ODAD1: variants seen among roughly 807,000 people sequenced by gnomAD.
ODAD1 encodes outer dynein arm docking complex subunit 1, also known as outer dynein arm-docking complex subunit 1.
Under a neutral mutation model 67.2 loss-of-function variants are expected in ODAD1, and 49 were observed. The ratio of observed to expected loss-of-function variants is 0.73; its 90% CI spans 0.58 to 0.92. The LOEUF is 0.92. Among genes scored for constraint, ODAD1 ranks in the 40% least tolerant of loss-of-function variants. The pLI is 0.00. For missense variants in ODAD1, 897 were observed against 953.7 expected (o/e 0.94, Z 0.78); for synonymous variants, 345 against 393.7 (o/e 0.88, Z 1.46).
intron 8 of ODAD1, 141 bp downstream of exon 8, chr19:48,306,115 G>T (rs529855085): frequency 2.4e-6 from 3 of 1,267,092 alleles, no homozygotes; most frequent in Non-Finnish European, 3.2e-6. Context: ...GTGGCGGGGA[G>T]AGAGAAAAAG....
intron 3 of ODAD1, chr19:48,319,373 G>A: frequency 1.1e-6 from 1 of 952,148 alleles, no homozygotes; most frequent in South Asian, 4.8e-5. Context: ...AGTACCTGCA[G>A]GACAAAGTCT....
rs575514518 is a variant in ODAD1 at position 48,304,021 on chromosome 19, T to A, written c.785A>T (p.His262Leu). 6.2e-7 allele frequency: 1 copy of A among 1,614,208 alleles called. No individual in the cohort carries two copies. The highest frequency in any genetic ancestry group is 1.1e-5 in the South Asian group (1 of 91,088). ...RQILHLEQLH[H>L]FLKLKNNDRQ... Reference sequence around the variant, plus strand: ...GTCGTTGTTCTTGAGCTTGAGGAAGTGGTGCAGCTGCTCCAGGTGCAAGAT... The same window carrying A: ...GTCGTTGTTCTTGAGCTTGAGGAAGAGGTGCAGCTGCTCCAGGTGCAAGAT... Residue 262 changes from histidine to leucine, a missense_variant, in exon 9 of 16, where the codon CAC becomes CTC. Physicochemically the swap from His to Leu is moderately conservative, Grantham distance 99. Transcript: ENST00000674294.
intron 12 of ODAD1, among the ~76,000 whole-genome samples, chr19:48,299,845 T>C (rs1600857449): frequency 6.9e-6 from 1 of 144,690 alleles, no homozygotes; most frequent in East Asian, 2.0e-4. Context: ...GATGCACAGG[T>C]GGATGCAACA....
chr19:48,316,107 G>A (rs1172930328), intron 5 of ODAD1, among the ~76,000 whole-genome samples: 5 of 152,194 alleles, frequency 3.3e-5, no homozygotes, highest in South Asian at 2.1e-4. Context: ...GGCCAGGCAC[G>A]GTGGCCCACA....
rs11667862 is a variant in ODAD1 at position 48,306,037 on chromosome 19, C to T, written c.665+219G>A. 54,106 of 228,760 alleles carry T rather than the reference C, an allele frequency of 0.24. 7,457 individuals carry two copies. The highest frequency in any genetic ancestry group is 0.43 in the African/African-American group (18,414 of 42,614). The allele number at this position is 228,760 out of a possible 1,614,324, so 14.2% of individuals were successfully genotyped here. ...TAGCGCAACTGCACTGTAGCCTGGGCGACAGAGCCAGACTCTGTCTCAAAA... is the reference window on the plus strand; with the variant it reads ...TAGCGCAACTGCACTGTAGCCTGGGTGACAGAGCCAGACTCTGTCTCAAAA... On this transcript the variant is annotated intron_variant, in intron 8 of 15. Coordinates refer to ENST00000674294, the MANE Select transcript of ODAD1 (RefSeq NM_001364171.2).
intron 7 of ODAD1, among the ~76,000 whole-genome samples, chr19:48,306,524 T>C (rs566331011): frequency 5.7e-4 from 87 of 152,278 alleles, no homozygotes; most frequent in African/African-American, 2.0e-3. Context: ...AAAAGGCTCT[T>C]TCTGTAGATA....
chr19:48,311,634 C>G lies in ODAD1; in HGVS notation c.516G>C (p.Arg172=). 6.4e-7 allele frequency: 1 copy of G among 1,551,188 alleles called. No homozygotes were observed. The highest frequency in any genetic ancestry group is 8.7e-7 in the Non-Finnish European group (1 of 1,146,558). Residue 172 remains arginine (R), a synonymous_variant, in exon 7 of 16, where the codon CGG becomes CGC. Coordinates refer to ENST00000674294, the MANE Select transcript of ODAD1 (RefSeq NM_001364171.2). ...VTCHFDNQLV[R]NAALREELDL... ...CCAGCTCCTCCCGCAGGGCCGCATTCCGTACCAGCTGGTTGTCAAAGTGAC... is the reference window on the plus strand; with the variant it reads ...CCAGCTCCTCCCGCAGGGCCGCATTGCGTACCAGCTGGTTGTCAAAGTGAC...
chr19:48,311,214 AC>A (rs1469506000), intron 7 of ODAD1, among the ~76,000 whole-genome samples: 3 of 152,166 alleles, frequency 2.0e-5, no homozygotes, highest in African/African-American at 7.2e-5. Context: ...TCATCTCAAA[AC>A]AAAGAAAGAA....
intron 3 of ODAD1, 42 bp downstream of exon 3, chr19:48,320,257 T>G: frequency 8.4e-7 from 1 of 1,184,148 alleles, no homozygotes; most frequent in Non-Finnish European, 1.1e-6. Context: ...AGCTGGGGGC[T>G]GGAAAAGAAT....
intron 5 of ODAD1, among the ~76,000 whole-genome samples, chr19:48,313,361 A>C (rs1276338271): frequency 7.3e-6 from 1 of 137,512 alleles, no homozygotes; most frequent in Non-Finnish European, 1.5e-5. Context: ...CCAGGAGGAG[A>C]GGTTGCAGTG....
chr19:48,297,662 G>C lies in ODAD1; in HGVS notation c.1509C>G (p.Asp503Glu). 1 of 1,510,790 alleles carries C rather than the reference G, an allele frequency of 6.6e-7. No individual in the cohort carries two copies. The highest frequency in any genetic ancestry group is 1.3e-5 in the South Asian group (1 of 74,266). The allele number at this position is 1,510,790 out of a possible 1,614,324, so 93.6% of individuals were successfully genotyped here. Residue 503 changes from aspartate to glutamate, a missense_variant, in exon 15 of 16, where the codon GAC becomes GAG. Coordinates refer to ENST00000674294, the MANE Select transcript of ODAD1 (RefSeq NM_001364171.2). Reference sequence around the variant, plus strand: ...CATCGCTGGCCTCAAAACCCGGGGGGTCTTCTCTGGGGAGGGGAAGGAAAA... The same window carrying C: ...CATCGCTGGCCTCAAAACCCGGGGGCTCTTCTCTGGGGAGGGGAAGGAAAA... ...APLQPPDTLE[D>E]PPGFEASDDY...
At position 48,311,548 on chromosome 19, in the gene ODAD1, C is replaced by T. The variant is rs1452905612; in HGVS notation, c.597+5G>A. ...TCTCCTCCCCTGGATTTCAGGGCCA[C>T]TGACCTTCTTCAGCTTGCGGTCCAC... On this transcript the variant is annotated splice_donor_5th_base_variant and intron_variant, in intron 7 of 15. Transcript: ENST00000674294. 1.3e-6 allele frequency: 2 copies of T among 1,530,196 alleles called. No homozygotes were observed. The highest frequency in any genetic ancestry group is 1.8e-6 in the Non-Finnish European group (2 of 1,127,824). The allele number at this position is 1,530,196 out of a possible 1,614,324, so 94.8% of individuals were successfully genotyped here.
intron 12 of ODAD1, among the ~76,000 whole-genome samples, chr19:48,300,795 TAGAG>T (rs1031926323): frequency 3.3e-5 from 5 of 152,132 alleles, no homozygotes; most frequent in Admixed American, 6.6e-5. Context: ...ATTAAATTAA[TAGAG>T]AGAGTACGGC....
At chr19:48,320,444 G>C in intron 2 of ODAD1, 53 bp from the exon 3 acceptor site, 2 of 1,043,538 alleles carry the variant, frequency 1.9e-6, no homozygotes, top group South Asian at 2.8e-5. Context: ...CCAGGGCCCA[G>C]AGAGGGTGGA....
At chr19:48,307,914 C>T (rs1374777646) in intron 7 of ODAD1, among the ~76,000 whole-genome samples, 1 of 151,954 alleles carries the variant, frequency 6.6e-6, no homozygotes, top group Non-Finnish European at 1.5e-5. Context: ...AATGGCCAAC[C>T]CCAGGGATGG....
chr19:48,317,105 G>T (rs1375621381), intron 5 of ODAD1, among the ~76,000 whole-genome samples: 1 of 152,086 alleles, frequency 6.6e-6, no homozygotes, highest in Non-Finnish European at 1.5e-5. Context: ...AAGTAGCTCT[G>T]CCCCCTCAGC....
chr19:48,306,011 A>G (rs1261117414), intron 8 of ODAD1: 1 of 168,474 alleles, frequency 5.9e-6, no homozygotes, highest in African/African-American at 2.4e-5. Context: ...GTGAGCCAAG[A>G]TAGCGCAACT....
At chr19:48,313,745 ATGG>A (rs765743677) in intron 5 of ODAD1, among the ~76,000 whole-genome samples, 1 of 151,966 alleles carries the variant, frequency 6.6e-6, no homozygotes, top group Non-Finnish European at 1.5e-5. Context: ...TTAGCTGGGC[ATGG>A]TGGTGCACAC....
At chr19:48,319,138 T>C (rs1569013331) in intron 3 of ODAD1, among the ~76,000 whole-genome samples, 1 of 151,876 alleles carries the variant, frequency 6.6e-6, no homozygotes, top group Non-Finnish European at 1.5e-5. Flanking sequence ...CCTCCCTCCT[T>C]TTCTGCCCCA....
Sources: allele counts gnomAD v4.1 joint callset (sites outside exome capture counted in the v4.1 genomes callset), GRCh38; gene constraint gnomAD v4.1.1; transcripts MANE v1.5; gene names NCBI Gene and HGNC (gene_info 2026-07-23, HGNC 2026-07-21).